The following NCOA3 variants were observed in gnomAD, a reference collection of about 807,000 sequenced individuals.
The protein encoded by NCOA3 is CBP-interacting protein.
NCOA3 carries 51 observed loss-of-function variants against 158.8 expected under a neutral mutation model. The observed-to-expected ratio is 0.32, with a 90% CI of 0.26 to 0.41. NCOA3 has a LOEUF of 0.41. NCOA3 is among the 10% of genes least tolerant of loss of function. NCOA3 has a pLI of 1.00. For missense variants in NCOA3, 1,510 were observed against 1,746.6 expected, an observed-to-expected ratio of 0.86 and a Z score of 2.41; for synonymous variants, 537 against 592.4, an observed-to-expected ratio of 0.91 and a Z score of 1.36.
intron 1 of NCOA3, among the ~76,000 whole-genome samples, chr20:47,512,921 G>A (rs1169831328): frequency 6.6e-6 from 1 of 152,172 alleles, no homozygotes; most frequent in Non-Finnish European, 1.5e-5. Context: ...ACTTTGGAAG[G>A]CTGAGGTGGG....
chr20:47,631,727 T>C (rs2086421194), intron 8 of NCOA3, among the ~76,000 whole-genome samples: 1 of 152,232 alleles, frequency 6.6e-6, no homozygotes, highest in South Asian at 2.1e-4. Flanking sequence ...CTTATAGTTG[T>C]AGGGACAGAA....
intron 1 of NCOA3, among the ~76,000 whole-genome samples, chr20:47,564,737 T>C (rs761320367): frequency 5.3e-5 from 8 of 152,200 alleles, no homozygotes; most frequent in Middle Eastern, 3.2e-3. Context: ...TACCATTTTC[T>C]TTATTTTACA....
intron 1 of NCOA3, among the ~76,000 whole-genome samples, chr20:47,559,722 A>T (rs1393858746): frequency 6.6e-6 from 1 of 152,100 alleles, no homozygotes; most frequent in Non-Finnish European, 1.5e-5. Flanking sequence ...CTCTACTAAA[A>T]ATACAAAAAA....
intron 2 of NCOA3, among the ~76,000 whole-genome samples, chr20:47,597,872 CCATTAGAGCCCG>C (rs1267427894): frequency 1.3e-5 from 2 of 151,988 alleles, no homozygotes; most frequent in Non-Finnish European, 2.9e-5. Context: ...TCTGCTTTCC[CCATTAGAGCCCG>C]TTAACATATT....
intron 6 of NCOA3, 91 bp downstream of exon 6, chr20:47,627,267 C>A (rs6018598): frequency 1.9e-6 from 2 of 1,072,914 alleles, no homozygotes; most frequent in Non-Finnish European, 2.6e-6. Context: ...GGAAGTCAAG[C>A]GATCAAATGA....
chr20:47,522,713 A>AT (rs1475850027), intron 1 of NCOA3, among the ~76,000 whole-genome samples: 2 of 151,972 alleles, frequency 1.3e-5, no homozygotes, highest in Non-Finnish European at 2.9e-5. Context: ...TGTTCTACAC[A>AT]CGTGGGGATA....
intron 1 of NCOA3, among the ~76,000 whole-genome samples, chr20:47,526,578 G>T (rs2084455163): frequency 6.6e-6 from 1 of 152,242 alleles, no homozygotes; most frequent in African/African-American, 2.4e-5. Flanking sequence ...GGCCAACACA[G>T]CGAAACCCCG....
At chr20:47,578,310 C>T (rs894610116) in intron 1 of NCOA3, among the ~76,000 whole-genome samples, 3 of 152,130 alleles carry the variant, frequency 2.0e-5, no homozygotes, top group Non-Finnish European at 2.9e-5. Flanking sequence ...CTCGGCCTCC[C>T]GAGTAGCTGG....
chr20:47,505,032 G>C (rs867812772), intron 1 of NCOA3, among the ~76,000 whole-genome samples: 1 of 8,766 alleles, frequency 1.1e-4, no homozygotes, highest in Non-Finnish European at 2.5e-4. Context: ...TTTTTTTTGC[G>C]GGCAGGGGCG....
intron 1 of NCOA3, among the ~76,000 whole-genome samples, chr20:47,509,322 A>G (rs1440015677): frequency 6.6e-6 from 1 of 152,172 alleles, no homozygotes; most frequent in Non-Finnish European, 1.5e-5. Context: ...TGAGCCCAGG[A>G]GGTTGAGGGT....
At chr20:47,525,723 CA>C (rs2084426950) in intron 1 of NCOA3, among the ~76,000 whole-genome samples, 2 of 133,164 alleles carry the variant, frequency 1.5e-5, no homozygotes, top group Non-Finnish European at 3.2e-5. Flanking sequence ...CTGACCCCCC[CA>C]CCTCCATCCC....
At chr20:47,542,106 T>C (rs2084753340) in intron 1 of NCOA3, among the ~76,000 whole-genome samples, 1 of 149,196 alleles carries the variant, frequency 6.7e-6, no homozygotes. Flanking sequence ...TCATAGCTTA[T>C]TGTAGTCTCA....
intron 1 of NCOA3, among the ~76,000 whole-genome samples, chr20:47,503,016 G>T (rs1246637261): frequency 6.6e-6 from 1 of 152,130 alleles, no homozygotes; most frequent in Non-Finnish European, 1.5e-5. Flanking sequence ...ATTTGAGCAG[G>T]GCTTCAAAAC....
chr20:47,632,560 G>A (rs952647925), intron 8 of NCOA3, among the ~76,000 whole-genome samples: 3 of 151,772 alleles, frequency 2.0e-5, no homozygotes, highest in Non-Finnish European at 1.5e-5. Context: ...GCTAAGTTTT[G>A]TATTCTTAAT....
At chr20:47,643,067 C>T (rs563649935) in intron 17 of NCOA3, among the ~76,000 whole-genome samples, 21 of 152,316 alleles carry the variant, frequency 1.4e-4, no homozygotes, top group African/African-American at 2.4e-4. Flanking sequence ...CCCGCCACCA[C>T]GCCCGGGTAA....
chr20:47,559,560 C>G (rs991049794), intron 1 of NCOA3, among the ~76,000 whole-genome samples: 1 of 152,036 alleles, frequency 6.6e-6, no homozygotes, highest in Non-Finnish European at 1.5e-5. Flanking sequence ...TTTTCTTCCC[C>G]AGAATAGGGC....
At chr20:47,588,536 C>T (rs1329776817) in intron 2 of NCOA3, among the ~76,000 whole-genome samples, 2 of 152,082 alleles carry the variant, frequency 1.3e-5, no homozygotes, top group Non-Finnish European at 2.9e-5. Context: ...TATGCTGCCT[C>T]CCATTCTGAT....
intron 16 of NCOA3, among the ~76,000 whole-genome samples, chr20:47,641,561 C>T (rs972614555): frequency 1.1e-4 from 14 of 132,104 alleles, no homozygotes; most frequent in African/African-American, 3.2e-4. Flanking sequence ...AGTGCAGTGG[C>T]GCAATCTCGG....
Position 47,642,352 on chromosome 20 carries a change from A to G in NCOA3, c.3220A>G (p.Arg1074Gly). ...TGCCACAGGCCTGGAAGAAATTGAC[A>G]GAGCTTTGGGCATTCCTGAACTTGT... ...TDATGLEEID[R>G]ALGIPELVNQ... The change falls in exon 17 of 23, where the codon AGA (arginine) becomes GGA (glycine). Residue 1074 changes from arginine to glycine, a missense_variant. By Grantham distance (125) the Arg-to-Gly change is moderately radical. Around this residue, in one of 4 missense-constraint regions of NCOA3, gnomAD observed 1,017 missense variants for 1,098.3 expected, o/e 0.93. Transcript: ENST00000371998. The G allele has an allele frequency of 6.2e-7, 1 of 1,609,776 alleles. No individual in the cohort carries two copies. The highest frequency in any genetic ancestry group is 8.5e-7 in the Non-Finnish European group (1 of 1,178,862).
Sources: allele counts gnomAD v4.1 joint callset (sites outside exome capture counted in the v4.1 genomes callset), GRCh38; gene constraint gnomAD v4.1.1; regional missense constraint gnomAD v4.1.1; transcripts MANE v1.5; gene names NCBI Gene and HGNC (gene_info 2026-07-23, HGNC 2026-07-21).